Variants in PTPRD observed in about 807,000 individuals in gnomAD.
The protein encoded by PTPRD is receptor-type tyrosine-protein phosphatase delta.
PTPRD carries 34 observed loss-of-function variants against 214.5 expected under a neutral mutation model. The ratio of observed to expected loss-of-function variants is 0.16; its 90% CI spans 0.12 to 0.21. The LOEUF is 0.21. PTPRD is among the 10% of genes least tolerant of loss of function. The pLI, the probability that PTPRD is intolerant of heterozygous loss-of-function variation, is 1.00. For synonymous variants in PTPRD, 1,128 were observed against 845.7 expected (o/e 1.33, Z -5.79); for missense variants, 2,545 against 2,398.7 (o/e 1.06, Z -1.27).
chr9:9,587,927 T>C (rs779998527), intron 7 of PTPRD, among the ~76,000 whole-genome samples: 1 of 151,996 alleles, frequency 6.6e-6, no homozygotes, highest in Non-Finnish European at 1.5e-5. Context: ...TAAGTTTTAA[T>C]GTTGGTTAGC....
At chr9:8,377,457 C>T (rs2083591632) in intron 37 of PTPRD, among the ~76,000 whole-genome samples, 1 of 152,032 alleles carries the variant, frequency 6.6e-6, no homozygotes, top group South Asian at 2.1e-4. Context: ...TAACACACAA[C>T]AAAGAATAAT....
chr9:8,933,547 A>C (rs992784412), intron 11 of PTPRD, among the ~76,000 whole-genome samples: 1 of 151,866 alleles, frequency 6.6e-6, no homozygotes, highest in African/African-American at 2.4e-5. Flanking sequence ...TCAGTTTTCT[A>C]ATGCATGTGA....
chr9:8,693,838 A>C (rs917807038), intron 12 of PTPRD, among the ~76,000 whole-genome samples: 3 of 152,262 alleles, frequency 2.0e-5, no homozygotes, highest in Admixed American at 2.0e-4. Context: ...CAACAGAACA[A>C]CTTGCGTTGC....
intron 11 of PTPRD, among the ~76,000 whole-genome samples, chr9:8,854,545 C>A (rs2097879272): frequency 1.3e-5 from 2 of 152,136 alleles, no homozygotes; most frequent in Non-Finnish European, 2.9e-5. Flanking sequence ...CAAACAGTCA[C>A]CCTTGTCAGT....
At chr9:9,102,726 T>C (rs2099793058) in intron 10 of PTPRD, among the ~76,000 whole-genome samples, 1 of 152,212 alleles carries the variant, frequency 6.6e-6, no homozygotes, top group Admixed American at 6.5e-5. Flanking sequence ...AGGTTACTGT[T>C]ATAAGTGACC....
chr9:9,924,574 C>T (rs910336600), intron 5 of PTPRD, among the ~76,000 whole-genome samples: 1 of 150,228 alleles, frequency 6.7e-6, no homozygotes, highest in African/African-American at 2.5e-5. Context: ...ACTTTCCTTG[C>T]CTTTCCAGTA....
intron 26 of PTPRD, among the ~76,000 whole-genome samples, chr9:8,494,163 C>T (rs1363187680): frequency 6.6e-6 from 1 of 151,938 alleles, no homozygotes; most frequent in African/African-American, 2.4e-5. Flanking sequence ...GTGACGAGTA[C>T]GAATTATATT....
At chr9:10,006,260 C>G (rs1264541135) in intron 4 of PTPRD, among the ~76,000 whole-genome samples, 2 of 151,998 alleles carry the variant, frequency 1.3e-5, no homozygotes, top group African/African-American at 2.4e-5. Context: ...GATAACTCAA[C>G]TACTTAGCAT....
At chr9:10,385,291 T>A (rs1296397324) in intron 2 of PTPRD, among the ~76,000 whole-genome samples, 1 of 151,830 alleles carries the variant, frequency 6.6e-6, no homozygotes, top group Non-Finnish European at 1.5e-5. Context: ...GTGTGTCTTA[T>A]CTCTCCCACT....
chr9:8,755,641 C>T lies in PTPRD; in HGVS notation c.-103-21695G>A, dbSNP rs138576168. On this transcript the variant is annotated intron_variant, in intron 11 of 45. Coordinates refer to ENST00000381196, the MANE Select transcript of PTPRD (RefSeq NM_002839.4). ...CATAAAATCAAATACTTGTTTACAG[C>T]AATCAAAATTTAAAATTTCTGCTGA... Among the ~76,000 whole-genome samples, 298 of 152,012 alleles carry T rather than the reference C, an allele frequency of 2.0e-3. 1 individual carries two copies. Among genetic ancestry groups the T allele is most frequent in the Middle Eastern group, 6.8e-3 (2 of 292 alleles).
chr9:9,583,190 T>C (rs1299535892), intron 7 of PTPRD, among the ~76,000 whole-genome samples: 1 of 152,016 alleles, frequency 6.6e-6, no homozygotes, highest in Non-Finnish European at 1.5e-5. Context: ...AAGTATACAA[T>C]GAAAGTGATT....
At chr9:9,136,435 T>G (rs1349375191) in intron 10 of PTPRD, among the ~76,000 whole-genome samples, 3 of 152,098 alleles carry the variant, frequency 2.0e-5, no homozygotes, top group African/African-American at 7.2e-5. Flanking sequence ...CAAATCATCA[T>G]CTGAACTCAT....
At chr9:9,588,880 T>G (rs1037331741) in intron 7 of PTPRD, among the ~76,000 whole-genome samples, 1 of 152,112 alleles carries the variant, frequency 6.6e-6, no homozygotes, top group Admixed American at 6.6e-5. Flanking sequence ...ATTCTTATAG[T>G]TGGGTTCAAA....
intron 9 of PTPRD, among the ~76,000 whole-genome samples, chr9:9,205,705 C>A (rs1021478946): frequency 6.6e-6 from 1 of 152,066 alleles, no homozygotes; most frequent in Admixed American, 6.6e-5. Flanking sequence ...ATTGCCAAGT[C>A]AATACAGTAT....
chr9:10,571,116 C>T (rs2067301870), intron 2 of PTPRD, among the ~76,000 whole-genome samples: 1 of 151,984 alleles, frequency 6.6e-6, no homozygotes. Flanking sequence ...ATATGACATG[C>T]AGCATATTTT....
At chr9:9,112,646 A>C (rs1252142931) in intron 10 of PTPRD, among the ~76,000 whole-genome samples, 1 of 152,132 alleles carries the variant, frequency 6.6e-6, no homozygotes, top group Non-Finnish European at 1.5e-5. Flanking sequence ...TAATCCACTC[A>C]CTTCCAATAT....
chr9:8,474,147 A>G lies in PTPRD; in HGVS notation c.3414-3062T>C, dbSNP rs560436871. On this transcript the variant is annotated intron_variant, in intron 30 of 45. Coordinates refer to ENST00000381196, the MANE Select transcript of PTPRD (RefSeq NM_002839.4). Reference sequence around the variant, plus strand: ...TTTGGGGTTTCTTTCCTGGCTTCCCATCGCTTCCTGCAGGTATTTTTCTTC... The same window carrying G: ...TTTGGGGTTTCTTTCCTGGCTTCCCGTCGCTTCCTGCAGGTATTTTTCTTC... Among the ~76,000 whole-genome samples, 25 of 152,144 alleles carry G rather than the reference A, an allele frequency of 1.6e-4. No individual in the cohort carries two copies. The South Asian group carries it at 3.9e-3, about 24-fold the overall frequency.
chr9:9,341,717 AAAGGAT>A (rs2046873580), intron 9 of PTPRD, among the ~76,000 whole-genome samples: 1 of 152,132 alleles, frequency 6.6e-6, no homozygotes, highest in African/African-American at 2.4e-5. Context: ...TTTCTGTATT[AAAGGAT>A]ACCTGTTTGC....
intron 14 of PTPRD, among the ~76,000 whole-genome samples, chr9:8,556,090 G>C (rs181460970): frequency 6.6e-6 from 1 of 152,182 alleles, no homozygotes; most frequent in South Asian, 2.1e-4. Context: ...CAGAAGGCAA[G>C]AATTTCAAGC....
Sources: gnomAD v4.1 joint callset for allele counts (sites outside exome capture counted in the v4.1 genomes callset) on GRCh38, gnomAD v4.1.1 for gene constraint, MANE v1.5 for transcripts, NCBI Gene and HGNC (gene_info 2026-07-23, HGNC 2026-07-21) for gene names.